Variants in FRMD8 observed in about 807,000 individuals in gnomAD.
FRMD8 encodes the protein FERM domain containing 8.
FRMD8 carries 37 observed loss-of-function variants against 54.2 expected under a neutral mutation model. The ratio of observed to expected loss-of-function variants is 0.68; its 90% CI spans 0.53 to 0.90. The LOEUF is 0.90. FRMD8 is among the 40% of genes least tolerant of loss of function. The probability of loss-of-function intolerance (pLI) is 0.00; values close to 1 mark genes in which losing one functional copy is unlikely to be tolerated. For synonymous variants in FRMD8, 246 were observed against 286.9 expected (o/e 0.86, Z 1.44); for missense variants, 585 against 653.7 (o/e 0.89, Z 1.15).
chr11:65,394,537 A>C, intron 6 of FRMD8, 112 bp downstream of exon 6: 2 of 1,308,352 alleles, frequency 1.5e-6, no homozygotes, highest in Admixed American at 4.6e-5. Flanking sequence ...TCCTGGAGTC[A>C]GGAGGCCTCA....
chr11:65,382,091 A>ACCT (rs1359837792), upstream of FRMD8: 1 of 746,314 alleles, frequency 1.3e-6, no homozygotes, highest in East Asian at 2.6e-5. The surrounding 1 kb of genome is among the most constrained non-coding windows in gnomAD (Gnocchi z 4.4). Context: ...TGGTGCCCAG[A>ACCT]CCTCCGGCAA....
Position 65,400,813 on chromosome 11 carries a change from C to T in FRMD8, c.1017C>T (p.Asp339=), listed in dbSNP as rs61740646. The T allele has an allele frequency of 0.012, 20,134 of 1,612,802 alleles. 153 individuals carry two copies. The highest frequency in any genetic ancestry group is 0.015 in the Non-Finnish European group (18,009 of 1,179,626). ...EEEPILWLEF[D]GDSEGTPVNK... ...AGCCCATCTTGTGGCTGGAGTTCGACGGGGACAGCGAGGGCACACCTGTCA... is the reference window on the plus strand; with the variant it reads ...AGCCCATCTTGTGGCTGGAGTTCGATGGGGACAGCGAGGGCACACCTGTCA... Residue 339 remains aspartate, a synonymous_variant, in exon 9 of 11, where the codon GAC becomes GAT. Coordinates refer to ENST00000317568, the MANE Select transcript of FRMD8 (RefSeq NM_031904.5). The surrounding 1 kb of genome is among the most constrained non-coding windows in gnomAD (Gnocchi z 4.3).
At position 65,404,122 on chromosome 11, in the gene FRMD8, G is replaced by A. The variant is rs1024724900; in HGVS notation, c.1072-742G>A. 2.6e-5 allele frequency among the ~76,000 whole-genome samples: 4 copies of A among 152,166 alleles called. No homozygotes were observed. Among genetic ancestry groups the A allele is most frequent in the East Asian group, 1.9e-4 (1 of 5,196 alleles). On this transcript the variant is annotated intron_variant, in intron 9 of 10. Coordinates refer to ENST00000317568, the MANE Select transcript of FRMD8 (RefSeq NM_031904.5). The surrounding 1 kb of genome is among the most constrained non-coding windows in gnomAD (Gnocchi z 4.7). ...AGAGGCAGGAGCCAGGCCAGTCTCC[G>A]CAGGGCCACTCCAGCATCTGACCCA...
chr11:65,396,745 G>GT, intron 6 of FRMD8, 54 bp from the exon 7 acceptor site: 1 of 1,242,748 alleles, frequency 8.0e-7, no homozygotes. Flanking sequence ...GCCCTCCCCC[G>GT]TGAGCCTGGC....
upstream of FRMD8, chr11:65,383,769 AC>A (rs762558896): frequency 0.26 from 29,216 of 112,786 alleles, 6,247 homozygotes; most frequent in Non-Finnish European, 0.38. Context: ...AAAAAAAAAA[AC>A]AAACAAACAA....
At chr11:65,387,391 G>A (rs536168873) in intron 2 of FRMD8, 94 of 616,426 alleles carry the variant, frequency 1.5e-4, no homozygotes, top group African/African-American at 1.2e-3. Context: ...AGTGAAGGCT[G>A]ATGTGGTTCA....
intron 10 of FRMD8, among the ~76,000 whole-genome samples, chr11:65,409,588 A>T (rs866871305): frequency 6.6e-6 from 1 of 152,028 alleles, no homozygotes; most frequent in South Asian, 2.1e-4. Context: ...CCTGCGCAAC[A>T]TAGCAAGACC....
the FRMD8 span, chr11:65,379,244 G>A: frequency 2.1e-5 from 22 of 1,054,000 alleles, no homozygotes; most frequent in African/African-American, 4.8e-5. Flanking sequence ...GAAGGCCATA[G>A]CACAGGCCTC....
At chr11:65,406,441 G>A (rs556440069) in intron 10 of FRMD8, among the ~76,000 whole-genome samples, 26 of 151,716 alleles carry the variant, frequency 1.7e-4, no homozygotes, top group Non-Finnish European at 3.1e-4. Flanking sequence ...TGGTCCATCC[G>A]CCTTGGCCTC....
At chr11:65,380,253 G>A in the FRMD8 span, 1 of 1,607,500 alleles carries the variant, frequency 6.2e-7, no homozygotes, top group Non-Finnish European at 8.5e-7. Flanking sequence ...AGAGGAAAGA[G>A]GGGTTCAGGC....
Position 65,411,411 on chromosome 11 carries a change from T to C in FRMD8, c.*51T>C, listed in dbSNP as rs748602856. On this transcript the variant is annotated 3_prime_UTR_variant, in exon 11 of 11. Transcript: ENST00000317568. The stretch of plus-strand genomic sequence containing the variant: ...GCGACTGGGGGCCCTGGCCCGGCAC[T>C]GTCCTCCTGAGGGGCAGGCGCCGGC... The C allele has an allele frequency of 1.6e-6, 2 of 1,279,358 alleles. No individual in the cohort carries two copies. Among genetic ancestry groups the C allele is most frequent in the South Asian group, 1.4e-5 (1 of 69,826 alleles). The allele number at this position is 1,279,358 out of a possible 1,614,324, so 79.3% of individuals were successfully genotyped here.
At chr11:65,379,015 C>T in the FRMD8 span, 15 of 286,800 alleles carry the variant, frequency 5.2e-5, no homozygotes, top group Admixed American at 3.0e-4. Flanking sequence ...CACAGCTCTG[C>T]GGGGTGCTGG....
the FRMD8 span, chr11:65,376,001 C>T: frequency 8.8e-5 from 15 of 170,364 alleles, no homozygotes; most frequent in Non-Finnish European, 1.4e-4. Context: ...GGTGGAAAGG[C>T]GGAGGTTGCA....
chr11:65,403,268 C>T (rs1021723626), intron 9 of FRMD8, among the ~76,000 whole-genome samples: 9 of 152,174 alleles, frequency 5.9e-5, no homozygotes, highest in Non-Finnish European at 1.3e-4. Context: ...CTGCAACCTC[C>T]GCCTCCTAGG....
the FRMD8 span, among the ~76,000 whole-genome samples, chr11:65,372,069 G>A: frequency 2.0e-5 from 3 of 151,660 alleles, no homozygotes; most frequent in South Asian, 2.1e-4. Context: ...GTGCCACCAC[G>A]CCTGGCTAAT....
At chr11:65,383,775 A>AAAAAC (rs1311898530), upstream of FRMD8, 1 of 94,434 alleles carries the variant, frequency 1.1e-5, no homozygotes, top group Admixed American at 9.3e-5. Flanking sequence ...AAAAACAAAC[A>AAAAAC]AACAAACAAA....
At chr11:65,372,325 T>C in the FRMD8 span, among the ~76,000 whole-genome samples, 1 of 152,140 alleles carries the variant, frequency 6.6e-6, no homozygotes, top group African/African-American at 2.4e-5. Flanking sequence ...AGTGAGTTAT[T>C]TGCTCACTAA....
intron 6 of FRMD8, among the ~76,000 whole-genome samples, chr11:65,396,256 G>A (rs557452323): frequency 1.3e-5 from 2 of 152,350 alleles, no homozygotes; most frequent in African/African-American, 4.8e-5. Context: ...GAGGCTGCCG[G>A]CTCAGGCAGG....
At position 65,394,259 on chromosome 11, in the gene FRMD8, A is replaced by T. The variant is rs774674530; in HGVS notation, c.415A>T (p.Ile139Phe). ...VFFPKRRELQIHDEEVLRLLY... is the reference protein window; with the variant it reads ...VFFPKRRELQFHDEEVLRLLY... The stretch of plus-strand genomic sequence containing the variant: ...CTGTCCCTGCCACACCCCCCTGCAG[A>T]TCCATGACGAGGAGGTCCTGCGGCT... Residue 139 changes from isoleucine (I) to phenylalanine (F), a missense_variant and splice_region_variant, in exon 6 of 11, where the codon ATC becomes TTC. Transcript: ENST00000317568. 4.7e-5 allele frequency: 76 copies of T among 1,600,488 alleles called. No homozygotes were observed. The highest frequency in any genetic ancestry group is 2.2e-4 in the Admixed American group (13 of 58,198).
Sources: gnomAD v4.1 joint callset for allele counts (sites outside exome capture counted in the v4.1 genomes callset) on GRCh38, gnomAD v4.1.1 for gene constraint, Gnocchi (gnomAD v3.1) non-coding constraint, MANE v1.5 for transcripts, NCBI Gene and HGNC (gene_info 2026-07-23, HGNC 2026-07-21) for gene names.